Variants in PLD5 observed in about 807,000 individuals in gnomAD.
PLD5 encodes inactive phospholipase D5.
PLD5 carries 36 observed loss-of-function variants against 61.1 expected under a neutral mutation model. The ratio of observed to expected loss-of-function variants is 0.59; its 90% CI spans 0.45 to 0.78. The LOEUF (loss-of-function observed/expected upper bound fraction) is 0.78. PLD5 is among the 30% of genes least tolerant of loss of function. The probability of loss-of-function intolerance (pLI) is 0.00; values close to 1 mark genes in which losing one functional copy is unlikely to be tolerated. For missense variants in PLD5, 515 were observed against 644.4 expected, an observed-to-expected ratio of 0.80 and a Z score of 2.17; for synonymous variants, 243 against 242.8, an observed-to-expected ratio of 1.00 and a Z score of -0.01.
At chr1:242,487,501 C>T (rs1668001791) in intron 1 of PLD5, among the ~76,000 whole-genome samples, 1 of 152,014 alleles carries the variant, frequency 6.6e-6, no homozygotes, top group Non-Finnish European at 1.5e-5. Context: ...TTTTTAGATA[C>T]AATATCAAAG....
intron 5 of PLD5, among the ~76,000 whole-genome samples, chr1:242,185,689 TG>T: frequency 6.6e-6 from 1 of 152,248 alleles, no homozygotes; most frequent in East Asian, 1.9e-4. Flanking sequence ...AGAACTTTAA[TG>T]GGTCTCCCTT....
At chr1:242,454,331 C>CAAA (rs34186124) in intron 1 of PLD5, among the ~76,000 whole-genome samples, 40,722 of 127,540 alleles carry the variant, frequency 0.32, 6,711 homozygotes, top group Admixed American at 0.43. Context: ...GACTCCGTGT[C>CAAA]AAAAAAAAAA....
intron 5 of PLD5, among the ~76,000 whole-genome samples, chr1:242,154,236 G>A (rs903800958): frequency 2.6e-5 from 4 of 152,200 alleles, no homozygotes; most frequent in African/African-American, 4.8e-5. Flanking sequence ...AGCTTAAGGA[G>A]ATTTTGGGCT....
intron 1 of PLD5, among the ~76,000 whole-genome samples, chr1:242,423,241 A>G (rs1665242991): frequency 6.6e-6 from 1 of 152,160 alleles, no homozygotes; most frequent in Non-Finnish European, 1.5e-5. Flanking sequence ...AAGTACAAAA[A>G]TAAGGAATGG....
chr1:242,518,514 C>T (rs889628835), intron 1 of PLD5, among the ~76,000 whole-genome samples: 2 of 152,176 alleles, frequency 1.3e-5, no homozygotes, highest in African/African-American at 4.8e-5. Flanking sequence ...TAACTTATTA[C>T]AACTACTGCC....
chr1:242,317,481 C>G (rs1395011327), intron 2 of PLD5, among the ~76,000 whole-genome samples: 1 of 145,880 alleles, frequency 6.9e-6, no homozygotes, highest in African/African-American at 2.6e-5. Context: ...CACTTTTTCT[C>G]TAGAAAAATA....
At chr1:242,187,355 C>T (rs542926647) in intron 5 of PLD5, among the ~76,000 whole-genome samples, 1 of 152,292 alleles carries the variant, frequency 6.6e-6, no homozygotes, top group South Asian at 2.1e-4. Flanking sequence ...GGTCCTTGGT[C>T]GTTTCCTTGA....
chr1:242,360,168 A>C (rs1660988007), intron 1 of PLD5, among the ~76,000 whole-genome samples: 1 of 152,136 alleles, frequency 6.6e-6, no homozygotes, highest in African/African-American at 2.4e-5. Context: ...TTTTCAAGAG[A>C]TGTTGCTGCT....
At chr1:242,204,926 G>A (rs963647496) in intron 5 of PLD5, among the ~76,000 whole-genome samples, 7 of 152,230 alleles carry the variant, frequency 4.6e-5, no homozygotes, top group African/African-American at 1.4e-4. Context: ...TCTAGATTTA[G>A]CTTCTGTTTT....
At chr1:242,463,226 C>T (rs1427350581) in intron 1 of PLD5, among the ~76,000 whole-genome samples, 1 of 152,174 alleles carries the variant, frequency 6.6e-6, no homozygotes, top group Non-Finnish European at 1.5e-5. Context: ...TTGTCTCTTT[C>T]CTCTTTATCC....
At chr1:242,321,604 C>G in intron 2 of PLD5, among the ~76,000 whole-genome samples, 1 of 152,054 alleles carries the variant, frequency 6.6e-6, no homozygotes, top group Non-Finnish European at 1.5e-5. Flanking sequence ...CACGCCCGGC[C>G]CCATCTATTC....
intron 1 of PLD5, among the ~76,000 whole-genome samples, chr1:242,395,517 G>A (rs1437276037): frequency 6.6e-6 from 1 of 152,096 alleles, no homozygotes; most frequent in Non-Finnish European, 1.5e-5. Flanking sequence ...AATCAACAAA[G>A]ATATGGACAA....
intron 4 of PLD5, among the ~76,000 whole-genome samples, chr1:242,226,683 G>A (rs149996545): frequency 1.3e-4 from 20 of 152,208 alleles, no homozygotes; most frequent in African/African-American, 2.6e-4. Flanking sequence ...GGTTTTACCC[G>A]CTTCTTGGGA....
intron 1 of PLD5, among the ~76,000 whole-genome samples, chr1:242,459,715 C>T (rs1433179310): frequency 2.0e-5 from 3 of 152,142 alleles, no homozygotes; most frequent in African/African-American, 7.2e-5. Context: ...TGATGTGCTT[C>T]CCCCTACAGA....
At position 242,267,082 on chromosome 1, in the gene PLD5, A is replaced by T. The variant is rs142926706; in HGVS notation, c.496-1634T>A. 1.5e-3 allele frequency among the ~76,000 whole-genome samples: 227 copies of T among 151,906 alleles called. 7 individuals carry two copies. In the East Asian group the frequency reaches 0.036, roughly 24 times the overall value. On this transcript the variant is annotated intron_variant, in intron 3 of 9. Coordinates refer to ENST00000536534, the MANE Select transcript of PLD5 (RefSeq NM_001372062.1). ...CAGTGAGCTGAGATCACGCCACTGA[A>T]CTCCAGCCTGGGCGACAGAGTGAGA... is the stretch of plus-strand genomic sequence containing the variant.
chr1:242,145,728 A>T (rs1664500989), intron 5 of PLD5, among the ~76,000 whole-genome samples: 1 of 152,334 alleles, frequency 6.6e-6, no homozygotes, highest in Non-Finnish European at 1.5e-5. Context: ...GTTGGAGTAC[A>T]GTGGCATGAT....
chr1:242,496,707 G>A (rs1020199786), intron 1 of PLD5, among the ~76,000 whole-genome samples: 2 of 152,128 alleles, frequency 1.3e-5, no homozygotes, highest in Non-Finnish European at 2.9e-5. Flanking sequence ...AAGAAGCTCA[G>A]AACTCTAGAA....
chr1:242,083,520 G>A lies in PLD5; in HGVS notation c.*6334C>T, dbSNP rs370974650. The A allele has an allele frequency of 6.6e-6, 1 of 152,142 alleles. No homozygotes were observed. The highest frequency in any genetic ancestry group is 2.4e-5 in the African/African-American group (1 of 41,442). 9.4% of individuals were successfully genotyped at this position (152,142 alleles called of 1,614,324 possible). A position where few individuals can be genotyped will look rare whatever the true frequency, so the allele number is the denominator to read the frequency against. ...ACCTATGAAATATGAATGAGAGATA[G>A]CTTTATCACTGGAGACAAATTGGCC... is the stretch of plus-strand genomic sequence containing the variant. On this transcript the variant is annotated 3_prime_UTR_variant, in exon 10 of 10. Coordinates refer to ENST00000536534, the MANE Select transcript of PLD5 (RefSeq NM_001372062.1).
At chr1:242,196,887 ACTTT>A (rs1668668206) in intron 5 of PLD5, among the ~76,000 whole-genome samples, 2 of 152,088 alleles carry the variant, frequency 1.3e-5, no homozygotes, top group Middle Eastern at 3.2e-3. Context: ...ATATTTGGGG[ACTTT>A]CTTTGTTTAC....
Sources: allele counts gnomAD v4.1 joint callset (sites outside exome capture counted in the v4.1 genomes callset), GRCh38; gene constraint gnomAD v4.1.1; transcripts MANE v1.5; gene names NCBI Gene and HGNC (gene_info 2026-07-23, HGNC 2026-07-21).